The following SMG6 variants were observed in gnomAD, a reference collection of about 807,000 sequenced individuals.
The protein encoded by SMG6 is SMG6 nonsense mediated mRNA decay factor, also known as telomerase-binding protein EST1A.
In SMG6, 66 loss-of-function variants were observed where a neutral mutation model predicts 142.2. The observed-to-expected ratio is 0.46, with a 90% confidence interval of 0.38 to 0.57. The LOEUF (loss-of-function observed/expected upper bound fraction) is 0.57, where lower values mean the gene tolerates loss of function less well. Ranked by LOEUF, SMG6 falls within the 20% of genes least tolerant of loss-of-function variation. SMG6 has a pLI of 0.00. For missense variants in SMG6, 1,793 were observed against 1,832.0 expected, an observed-to-expected ratio of 0.98 and a Z score of 0.39; for synonymous variants, 779 against 702.4, an observed-to-expected ratio of 1.11 and a Z score of -1.72.
intron 6 of SMG6, among the ~76,000 whole-genome samples, chr17:2,289,911 A>T (rs1221281950): frequency 6.9e-6 from 1 of 144,414 alleles, no homozygotes; most frequent in Admixed American, 7.1e-5. Flanking sequence ...GCGAGGCTCC[A>T]TCTCAAAAAA....
intron 13 of SMG6, among the ~76,000 whole-genome samples, chr17:2,162,517 G>GAAA (rs56092903): frequency 6.6e-5 from 4 of 60,634 alleles, no homozygotes; most frequent in African/African-American, 2.4e-4. Flanking sequence ...CCCCATCTCA[G>GAAA]AAAAAAAAAA....
At chr17:2,277,354 G>A (rs1030407900) in intron 8 of SMG6, among the ~76,000 whole-genome samples, 5 of 151,582 alleles carry the variant, frequency 3.3e-5, no homozygotes, top group Non-Finnish European at 5.9e-5. Flanking sequence ...TTTTAGTAGA[G>A]ACGAGGTTTC....
chr17:2,262,862 T>C (rs932748019), intron 8 of SMG6, among the ~76,000 whole-genome samples: 13 of 152,262 alleles, frequency 8.5e-5, no homozygotes, highest in African/African-American at 3.1e-4. Context: ...TGACCTGAAT[T>C]GGGACAGGGA....
Position 2,172,658 on chromosome 17 carries a change from C to A in SMG6, c.3357G>T (p.Lys1119Asn), listed in dbSNP as rs773596506. 1.2e-6 allele frequency: 2 copies of A among 1,613,058 alleles called. No individual in the cohort carries two copies. Among genetic ancestry groups the A allele is most frequent in the Non-Finnish European group, 1.7e-6 (2 of 1,180,012 alleles). Residue 1119 changes from lysine (K) to asparagine (N), a missense_variant and splice_region_variant, in exon 13 of 19, where the codon AAG (lysine) becomes AAT (asparagine). Around this residue, in one of 3 missense-constraint regions of SMG6, gnomAD observed 1,597 missense variants for 1,584.6 expected, o/e 1.01. Transcript: ENST00000263073. ...DPCYVEKTSDKVIAADCKRVT... is the reference protein window; with the variant it reads ...DPCYVEKTSDNVIAADCKRVT... ...GAGGGATGTTTGGCCTGGGGCTGAC[C>A]TTATCCGAGGTTTTCTCCACGTAGC... is the stretch of plus-strand genomic sequence containing the variant.
chr17:2,117,980 T>C (rs140587852), intron 13 of SMG6, among the ~76,000 whole-genome samples: 3 of 152,356 alleles, frequency 2.0e-5, no homozygotes, highest in African/African-American at 4.8e-5. Flanking sequence ...CACTGGCTCA[T>C]GTCTGTAATT....
rs34203812 is a variant in SMG6 at position 2,156,393 on chromosome 17, CAAAAAAAAAAAAAAAA to C, written c.3357+16249_3357+16264del. On this transcript the variant is annotated intron_variant, in intron 13 of 18. Transcript: ENST00000263073. ...TGGGCAACAGAGAGACACTCCTTCT[CAAAAAAAAAAAAAAAA>C]AAAAAAAAAAAAAGAGTTAAAAGCT... 4.0e-4 allele frequency among the ~76,000 whole-genome samples: 22 copies of C among 55,412 alleles called. No individual in the cohort carries two copies. The South Asian group carries it at 5.8e-3, about 15-fold the overall frequency. The allele number at this position is 55,412 out of a possible 152,430, so 36.4% of individuals were successfully genotyped here.
At chr17:2,278,934 C>T (rs2074720896) in intron 8 of SMG6, among the ~76,000 whole-genome samples, 1 of 152,106 alleles carries the variant, frequency 6.6e-6, no homozygotes, top group African/African-American at 2.4e-5. Flanking sequence ...TCCCCTCATT[C>T]GCGTATCAAC....
chr17:2,246,341 A>G (rs1283569592), intron 8 of SMG6, among the ~76,000 whole-genome samples: 2 of 152,242 alleles, frequency 1.3e-5, no homozygotes, highest in Admixed American at 6.5e-5. Flanking sequence ...TGGTCAGGGC[A>G]AGGAGTCCAG....
chr17:2,283,575 G>C, intron 7 of SMG6, 50 bp downstream of exon 7: 1 of 1,449,150 alleles, frequency 6.9e-7, no homozygotes, highest in Non-Finnish European at 9.7e-7. Flanking sequence ...CCAACACTCA[G>C]GGAAATGCAC....
At chr17:2,281,795 G>A (rs2074792366) in intron 8 of SMG6, among the ~76,000 whole-genome samples, 1 of 152,082 alleles carries the variant, frequency 6.6e-6, no homozygotes, top group Non-Finnish European at 1.5e-5. Context: ...CCCTTAAGGC[G>A]CAACGAACCA....
At chr17:2,091,920 G>T (rs1432347376) in intron 13 of SMG6, among the ~76,000 whole-genome samples, 1 of 150,692 alleles carries the variant, frequency 6.6e-6, no homozygotes, top group Non-Finnish European at 1.5e-5. Context: ...CTGACCTCGT[G>T]ATCCGCCCGC....
At chr17:2,088,105 C>T (rs1293716040) in intron 13 of SMG6, 25 of 985,302 alleles carry the variant, frequency 2.5e-5, no homozygotes, top group Non-Finnish European at 3.0e-5. Flanking sequence ...ATGAGAGGTA[C>T]ACTGGCACCC....
chr17:2,234,849 G>A (rs2073604805), intron 10 of SMG6, among the ~76,000 whole-genome samples: 1 of 152,154 alleles, frequency 6.6e-6, no homozygotes, highest in African/African-American at 2.4e-5. Context: ...TGGGATTACA[G>A]GTGCCCACCA....
intron 13 of SMG6, chr17:2,127,674 T>TAAAA (rs2069945078): frequency 3.5e-6 from 2 of 568,146 alleles, no homozygotes; most frequent in Non-Finnish European, 7.0e-6. Context: ...TGCTCTTTTC[T>TAAAA]AGGTTGAAGT....
intron 13 of SMG6, among the ~76,000 whole-genome samples, chr17:2,150,103 A>C (rs1283884577): frequency 6.6e-6 from 1 of 152,160 alleles, no homozygotes; most frequent in East Asian, 1.9e-4. Flanking sequence ...GCAGGAAGAG[A>C]GCGGTCAAAG....
intron 12 of SMG6, among the ~76,000 whole-genome samples, chr17:2,178,842 T>C (rs1164828781): frequency 6.6e-6 from 1 of 152,150 alleles, no homozygotes; most frequent in Non-Finnish European, 1.5e-5. Context: ...GCCTCCCTGG[T>C]GCGGATTCTC....
chr17:2,298,777 C>A, intron 2 of SMG6, 129 bp downstream of exon 2: 3 of 831,874 alleles, frequency 3.6e-6, no homozygotes, highest in Non-Finnish European at 5.6e-6. Context: ...ACTGCCCTTC[C>A]CTTACAACGT....
chr17:2,115,960 G>GC (rs1159225649), intron 13 of SMG6, among the ~76,000 whole-genome samples: 1 of 152,048 alleles, frequency 6.6e-6, no homozygotes, highest in Non-Finnish European at 1.5e-5. Flanking sequence ...TCCCACCCTG[G>GC]CCCCCCAAAG....
intron 13 of SMG6, among the ~76,000 whole-genome samples, chr17:2,116,242 T>C (rs897518819): frequency 2.0e-5 from 3 of 151,932 alleles, no homozygotes; most frequent in African/African-American, 7.3e-5. Flanking sequence ...CAGCTATTTT[T>C]TATTTTTTAT....
Sources: gnomAD v4.1 joint callset for allele counts (sites outside exome capture counted in the v4.1 genomes callset) on GRCh38, gnomAD v4.1.1 for gene constraint, gnomAD v4.1.1 regional missense constraint, MANE v1.5 for transcripts, NCBI Gene and HGNC (gene_info 2026-07-23, HGNC 2026-07-21) for gene names.